TMC1: variants seen among roughly 807,000 people sequenced by gnomAD.
TMC1 encodes transmembrane channel-like protein 1.
In TMC1, 84 loss-of-function variants were observed where a neutral mutation model predicts 105.8. That is an observed-to-expected ratio of 0.79 (90% CI 0.67 to 0.95). The LOEUF (loss-of-function observed/expected upper bound fraction) is 0.95, where lower values mean the gene tolerates loss of function less well. Ranked by LOEUF, TMC1 falls within the 40% of genes least tolerant of loss-of-function variation. The pLI, the probability that TMC1 is intolerant of heterozygous loss-of-function variation, is 0.00. For synonymous variants in TMC1, 315 were observed against 311.5 expected, an observed-to-expected ratio of 1.01 and a Z score of -0.12; for missense variants, 817 against 914.1, an observed-to-expected ratio of 0.89 and a Z score of 1.37.
intron 12 of TMC1, among the ~76,000 whole-genome samples, chr9:72,765,154 C>T (rs1827810504): frequency 6.6e-6 from 1 of 152,104 alleles, no homozygotes; most frequent in Non-Finnish European, 1.5e-5. Flanking sequence ...TGATTTAGAA[C>T]CCCAAATTAG....
intron 5 of TMC1, among the ~76,000 whole-genome samples, chr9:72,676,991 T>G (rs1411124597): frequency 6.6e-6 from 1 of 152,130 alleles, no homozygotes; most frequent in Non-Finnish European, 1.5e-5. Flanking sequence ...TCATAGGTCT[T>G]TTGCCTGTAT....
intron 2 of TMC1, among the ~76,000 whole-genome samples, chr9:72,581,047 A>G (rs970130560): frequency 9.2e-5 from 14 of 152,246 alleles, no homozygotes; most frequent in Non-Finnish European, 1.6e-4. Context: ...TAACTCTGTA[A>G]AACAGTTTGA....
At position 72,743,373 on chromosome 9, in the gene TMC1, AAAAAAAAAT is replaced by A. The variant is rs1331072557; in HGVS notation, c.535+864_535+872del. 3.3e-5 allele frequency among the ~76,000 whole-genome samples: 5 copies of A among 149,904 alleles called. No homozygotes were observed. In the South Asian group the frequency reaches 6.3e-4, roughly 19 times the overall value. The stretch of plus-strand genomic sequence containing the variant: ...CAGAGCGAGACTCCGTCTCACAAAA[AAAAAAAAAT>A]AAAAAAAATAAAAAATAAAAATAAA... On this transcript the variant is annotated intron_variant, in intron 10 of 23. Coordinates refer to ENST00000297784, the MANE Select transcript of TMC1 (RefSeq NM_138691.3).
chr9:72,830,169 A>C (rs368072071), intron 21 of TMC1, among the ~76,000 whole-genome samples: 1 of 152,234 alleles, frequency 6.6e-6, no homozygotes, highest in Non-Finnish European at 1.5e-5. Context: ...GAAAAAGCTA[A>C]TATTAGGCAG....
At chr9:72,639,512 A>C (rs1028534137) in intron 4 of TMC1, among the ~76,000 whole-genome samples, 1 of 152,132 alleles carries the variant, frequency 6.6e-6, no homozygotes, top group Non-Finnish European at 1.5e-5. Flanking sequence ...GGAAAATTAT[A>C]TTTGACAGTT....
Position 72,796,067 on chromosome 9 carries a change from C to T in TMC1, c.1566+3715C>T, listed in dbSNP as rs147192375. 4.0e-5 allele frequency among the ~76,000 whole-genome samples: 6 copies of T among 151,834 alleles called. No individual in the cohort carries two copies. In the East Asian group the frequency reaches 9.7e-4, roughly 25 times the overall value. On this transcript the variant is annotated intron_variant, in intron 17 of 23. Transcript: ENST00000297784. ...ACACACACATGCACACACAAATACACTTCAAACCAACAAAGATAAAAAAAA... is the reference window on the plus strand; with the variant it reads ...ACACACACATGCACACACAAATACATTTCAAACCAACAAAGATAAAAAAAA...
At chr9:72,650,822 G>A (rs1172338215) in intron 5 of TMC1, among the ~76,000 whole-genome samples, 9 of 146,328 alleles carry the variant, frequency 6.2e-5, no homozygotes, top group Non-Finnish European at 4.5e-5. Flanking sequence ...TCCCACATAA[G>A]ATATAATCTC....
intron 17 of TMC1, among the ~76,000 whole-genome samples, chr9:72,796,790 G>A (rs1828378126): frequency 6.6e-6 from 1 of 152,100 alleles, no homozygotes; most frequent in South Asian, 2.1e-4. Flanking sequence ...AAAGCTGAAA[G>A]CATTCCCCTT....
intron 8 of TMC1, among the ~76,000 whole-genome samples, chr9:72,707,925 T>A (rs536567703): frequency 1.3e-5 from 2 of 152,156 alleles, no homozygotes; most frequent in East Asian, 3.9e-4. Flanking sequence ...CCATTTTGAG[T>A]TGATTTTTGT....
At chr9:72,724,601 G>A (rs1381691049) in intron 8 of TMC1, among the ~76,000 whole-genome samples, 1 of 151,954 alleles carries the variant, frequency 6.6e-6, no homozygotes, top group Non-Finnish European at 1.5e-5. Flanking sequence ...ATAAATATCA[G>A]ATATAAAAAA....
intron 17 of TMC1, among the ~76,000 whole-genome samples, chr9:72,802,411 G>A (rs565305959): frequency 2.1e-4 from 32 of 152,224 alleles, no homozygotes; most frequent in African/African-American, 7.7e-4. Flanking sequence ...AAATTGCTGG[G>A]CATTGTGTGA....
chr9:72,557,336 A>G (rs1823959425), intron 1 of TMC1, among the ~76,000 whole-genome samples: 1 of 152,192 alleles, frequency 6.6e-6, no homozygotes, highest in East Asian at 1.9e-4. Flanking sequence ...ATGCCACTGC[A>G]CTCCAGCCTG....
chr9:72,811,087 T>C (rs1052039210), intron 18 of TMC1, among the ~76,000 whole-genome samples: 1 of 152,146 alleles, frequency 6.6e-6, no homozygotes, highest in Non-Finnish European at 1.5e-5. Context: ...ATTTAACATA[T>C]GAAAAATTGC....
At chr9:72,727,724 C>G (rs915668325) in intron 8 of TMC1, among the ~76,000 whole-genome samples, 1 of 152,078 alleles carries the variant, frequency 6.6e-6, no homozygotes, top group Non-Finnish European at 1.5e-5. Context: ...CTCCCCAAAT[C>G]TCATTTTTGC....
At chr9:72,656,792 C>G (rs896134780) in intron 5 of TMC1, among the ~76,000 whole-genome samples, 2 of 151,954 alleles carry the variant, frequency 1.3e-5, no homozygotes, top group Non-Finnish European at 2.9e-5. Flanking sequence ...TTTTTTCCCC[C>G]CTCCGGGATG....
intron 5 of TMC1, among the ~76,000 whole-genome samples, chr9:72,652,481 TG>T (rs147689330): frequency 0.026 from 3,906 of 151,968 alleles, 61 homozygotes; most frequent in Non-Finnish European, 0.035. Flanking sequence ...GATAAGCCCA[TG>T]GAAGAAACAG....
At chr9:72,789,459 C>A in intron 15 of TMC1, 142 bp downstream of exon 15, 1 of 723,434 alleles carries the variant, frequency 1.4e-6, no homozygotes, top group Non-Finnish European at 2.4e-6. Context: ...CCCTGTTGCT[C>A]ATTTTCCATT....
intron 10 of TMC1, among the ~76,000 whole-genome samples, chr9:72,750,416 G>A (rs959660251): frequency 6.6e-6 from 1 of 152,220 alleles, no homozygotes; most frequent in Non-Finnish European, 1.5e-5. Context: ...GATTGGGAAA[G>A]CTAGCAACTT....
At chr9:72,602,963 AC>A (rs1424151535) in intron 2 of TMC1, among the ~76,000 whole-genome samples, 1 of 152,216 alleles carries the variant, frequency 6.6e-6, no homozygotes, top group African/African-American at 2.4e-5. Flanking sequence ...AGGATAGATT[AC>A]CACCCACTAT....
Sources: allele counts gnomAD v4.1 joint callset (sites outside exome capture counted in the v4.1 genomes callset), GRCh38; gene constraint gnomAD v4.1.1; transcripts MANE v1.5; gene names NCBI Gene and HGNC (gene_info 2026-07-23, HGNC 2026-07-21).